Variants in ATP8A2 observed in about 807,000 individuals in gnomAD.
ATP8A2 encodes the protein ATPase phospholipid transporting 8A2.
Under a neutral mutation model 165.6 loss-of-function variants are expected in ATP8A2, and 100 were observed. The ratio of observed to expected loss-of-function variants is 0.60; its 90% confidence interval spans 0.51 to 0.71. ATP8A2 has a LOEUF of 0.71. Among genes scored for constraint, ATP8A2 ranks in the 30% least tolerant of loss-of-function variants. The probability of loss-of-function intolerance (pLI) is 0.00; values close to 1 mark genes in which losing one functional copy is unlikely to be tolerated. For synonymous variants in ATP8A2, 543 were observed against 548.8 expected, an observed-to-expected ratio of 0.99 and a Z score of 0.15; for missense variants, 1,227 against 1,479.5, an observed-to-expected ratio of 0.83 and a Z score of 2.80.
chr13:25,582,448 A>G (rs1297233510), intron 23 of ATP8A2, among the ~76,000 whole-genome samples: 1 of 152,244 alleles, frequency 6.6e-6, no homozygotes, highest in East Asian at 1.9e-4. Context: ...TTAAGTCAGG[A>G]TAACTCTGCC....
intron 24 of ATP8A2, among the ~76,000 whole-genome samples, chr13:25,664,995 G>A (rs1232105440): frequency 1.4e-5 from 2 of 147,894 alleles, no homozygotes; most frequent in African/African-American, 2.6e-5. Context: ...TGGCATCAGA[G>A]ATTGAAAAAA....
At chr13:25,622,311 T>C (rs181173623) in intron 24 of ATP8A2, among the ~76,000 whole-genome samples, 19 of 151,770 alleles carry the variant, frequency 1.3e-4, no homozygotes, top group African/African-American at 4.6e-4. Context: ...TAGTTTCTTA[T>C]GGAGAGGGGA....
intron 27 of ATP8A2, among the ~76,000 whole-genome samples, chr13:25,789,564 C>T (rs2045114945): frequency 6.6e-6 from 1 of 152,098 alleles, no homozygotes; most frequent in African/African-American, 2.4e-5. Flanking sequence ...ATACAAAACG[C>T]TGCTCAAAAA....
intron 25 of ATP8A2, among the ~76,000 whole-genome samples, chr13:25,720,879 T>G (rs2043364867): frequency 6.6e-6 from 1 of 151,954 alleles, no homozygotes; most frequent in Non-Finnish European, 1.5e-5. Flanking sequence ...GAAGGTTAGA[T>G]GCCATGTCCC....
intron 1 of ATP8A2, among the ~76,000 whole-genome samples, chr13:25,428,121 C>G (rs2034503562): frequency 6.6e-6 from 1 of 151,798 alleles, no homozygotes; most frequent in African/African-American, 2.4e-5. Context: ...GAGGTTGAGC[C>G]TGCAGTCAGC....
At chr13:25,779,021 T>C (rs2044808500) in intron 27 of ATP8A2, among the ~76,000 whole-genome samples, 1 of 151,948 alleles carries the variant, frequency 6.6e-6, no homozygotes, top group Non-Finnish European at 1.5e-5. Flanking sequence ...GGCTGGGCAC[T>C]GGAACTGCAG....
chr13:25,611,383 T>C (rs2040682821), intron 24 of ATP8A2, among the ~76,000 whole-genome samples: 1 of 152,232 alleles, frequency 6.6e-6, no homozygotes, highest in Admixed American at 6.5e-5. Context: ...AAAGACTTTT[T>C]CTGCATCTAT....
At chr13:25,798,212 T>G (rs1950535729) in intron 27 of ATP8A2, among the ~76,000 whole-genome samples, 1 of 152,212 alleles carries the variant, frequency 6.6e-6, no homozygotes, top group Non-Finnish European at 1.5e-5. Context: ...AGACCAAGTT[T>G]GTTTCATTTG....
intron 33 of ATP8A2, among the ~76,000 whole-genome samples, chr13:25,945,686 A>T (rs958023807): frequency 1.3e-5 from 2 of 152,202 alleles, no homozygotes; most frequent in Non-Finnish European, 2.9e-5. Context: ...GCTAAATTTC[A>T]GTTGCAGTTG....
intron 1 of ATP8A2, among the ~76,000 whole-genome samples, chr13:25,403,728 A>G (rs535267881): frequency 4.0e-4 from 61 of 152,328 alleles, no homozygotes; most frequent in African/African-American, 1.3e-3. Context: ...TTTATTTTGA[A>G]TGGAATGTTG....
intron 30 of ATP8A2, among the ~76,000 whole-genome samples, chr13:25,857,346 C>G (rs1168029137): frequency 6.6e-6 from 1 of 152,086 alleles, no homozygotes; most frequent in East Asian, 1.9e-4. Flanking sequence ...AATAGCCATG[C>G]TATTACTCTA....
chr13:25,538,211 G>C (rs1447497930), intron 7 of ATP8A2, 150 bp downstream of exon 7: 10 of 569,808 alleles, frequency 1.8e-5, no homozygotes, highest in Non-Finnish European at 3.1e-5. Flanking sequence ...CCCTTCTCCT[G>C]CCATGACCCT....
intron 2 of ATP8A2, among the ~76,000 whole-genome samples, chr13:25,503,378 C>T (rs936979439): frequency 1.3e-4 from 20 of 152,114 alleles, no homozygotes; most frequent in African/African-American, 4.6e-4. Flanking sequence ...AAAGGGTGGT[C>T]GGCATGCTGA....
intron 33 of ATP8A2, among the ~76,000 whole-genome samples, chr13:25,942,604 A>G (rs1955101189): frequency 6.6e-6 from 1 of 152,096 alleles, no homozygotes; most frequent in Admixed American, 6.6e-5. Flanking sequence ...TTGTGTTTTA[A>G]GTACAGATGG....
In ATP8A2 at chr13:25,956,862, T is replaced by A. The variant is rs537729017; in HGVS notation, c.3184-4713T>A. Among the ~76,000 whole-genome samples, 322 of 152,304 alleles carry A rather than the reference T, an allele frequency of 2.1e-3. 2 individuals are homozygous for A. The Middle Eastern group carries it at 0.044, about 21-fold the overall frequency. ...AGCTGGAGGCATCACACTACCTGAC[T>A]TCAAACTATATTACAAGGCTACAGT... is the stretch of plus-strand genomic sequence containing the variant. On this transcript the variant is annotated intron_variant, in intron 33 of 36. Transcript: ENST00000381655.
intron 23 of ATP8A2, among the ~76,000 whole-genome samples, chr13:25,586,565 T>C (rs1036055743): frequency 2.0e-5 from 3 of 152,238 alleles, no homozygotes; most frequent in Non-Finnish European, 4.4e-5. Context: ...GACCGTCTTT[T>C]GTCATGCATT....
chr13:25,898,747 G>C lies in ATP8A2; in HGVS notation c.3183+36339G>C, dbSNP rs927410811. ...AGCAATGGTGGGCGCCCCTCCACCA[G>C]CCTCGCTGCCGCCTTGCAGTTTGAT... On this transcript the variant is annotated intron_variant, in intron 33 of 36. Coordinates refer to ENST00000381655, the MANE Select transcript of ATP8A2 (RefSeq NM_016529.6). 2.0e-5 allele frequency among the ~76,000 whole-genome samples: 3 copies of C among 152,266 alleles called. No homozygotes were observed. The East Asian group carries it at 5.8e-4, about 30-fold the overall frequency.
chr13:25,919,939 A>G (rs1379328568), intron 33 of ATP8A2, among the ~76,000 whole-genome samples: 1 of 152,064 alleles, frequency 6.6e-6, no homozygotes, highest in Admixed American at 6.6e-5. Flanking sequence ...GACATGTACT[A>G]CAAGGCCTGG....
intron 1 of ATP8A2, among the ~76,000 whole-genome samples, chr13:25,464,647 A>C (rs991817750): frequency 1.3e-5 from 2 of 152,068 alleles, no homozygotes; most frequent in Admixed American, 1.3e-4. Context: ...CCCTGGTCCA[A>C]AGAGCTGTAA....
Sources: allele counts gnomAD v4.1 joint callset (sites outside exome capture counted in the v4.1 genomes callset), GRCh38; gene constraint gnomAD v4.1.1; transcripts MANE v1.5; gene names NCBI Gene and HGNC (gene_info 2026-07-23, HGNC 2026-07-21).